The following ANKS1B variants were observed in gnomAD, a reference collection of about 807,000 sequenced individuals.
ANKS1B encodes the protein ankyrin repeat and sterile alpha motif domain containing 1B, also known as ankyrin repeat and sterile alpha motif domain-containing protein 1B.
ANKS1B carries 36 observed loss-of-function variants against 148.3 expected under a neutral mutation model. The observed-to-expected ratio is 0.24, with a 90% CI of 0.19 to 0.32. The LOEUF is 0.32. Ranked by LOEUF, ANKS1B falls within the 10% of genes least tolerant of loss-of-function variation. ANKS1B has a pLI of 1.00. For synonymous variants in ANKS1B, 542 were observed against 560.8 expected, an observed-to-expected ratio of 0.97 and a Z score of 0.47; for missense variants, 1,157 against 1,542.6, an observed-to-expected ratio of 0.75 and a Z score of 4.19.
rs1477458893 is a variant in ANKS1B, at chr12:99,246,540, C to G, written c.2081G>C (p.Ser694Thr). The G allele has an allele frequency of 1.9e-5, 31 of 1,613,846 alleles. No homozygotes were observed. Among genetic ancestry groups the G allele is most frequent in the African/African-American group, 5.3e-5 (4 of 74,930 alleles). Residue 694 changes from serine to threonine, a missense_variant, in exon 13 of 27, where the codon AGT becomes ACT. Coordinates refer to ENST00000683438, the MANE Select transcript of ANKS1B (RefSeq NM_001352186.2). ...HTIVGTRSTR[S>T]GSRNGDQWVM... is the part of the protein sequence containing the mutation. ...CCACTGGTCCCCATTCCGAGATCCA[C>G]TCCTGGTTGATCTTGTGCCAACAAT...
chr12:99,881,716 T>C (rs1055786792), intron 1 of ANKS1B, among the ~76,000 whole-genome samples: 2 of 152,126 alleles, frequency 1.3e-5, no homozygotes, highest in Non-Finnish European at 2.9e-5. Flanking sequence ...CAAAAGAGCA[T>C]CACAGAGCGT....
chr12:99,537,467 GATGATAGCTC>G (rs2097082300), intron 9 of ANKS1B, among the ~76,000 whole-genome samples: 1 of 152,096 alleles, frequency 6.6e-6, no homozygotes. Flanking sequence ...AACTGGGTAA[GATGATAGCTC>G]ATTGCAGTTT....
chr12:99,389,914 C>T (rs1422536015), intron 12 of ANKS1B, among the ~76,000 whole-genome samples: 2 of 152,178 alleles, frequency 1.3e-5, no homozygotes, highest in East Asian at 3.9e-4. Flanking sequence ...ACACACCTTC[C>T]CACCCCAGGA....
At chr12:99,781,077 A>AG (rs1371972141) in intron 5 of ANKS1B, among the ~76,000 whole-genome samples, 1 of 151,830 alleles carries the variant, frequency 6.6e-6, no homozygotes, top group African/African-American at 2.4e-5. Context: ...AAAAAAAAAA[A>AG]AAGCCAGTTT....
At chr12:99,696,972 T>C (rs1038521551) in intron 8 of ANKS1B, among the ~76,000 whole-genome samples, 1 of 152,190 alleles carries the variant, frequency 6.6e-6, no homozygotes, top group Non-Finnish European at 1.5e-5. Context: ...AATAATTGCA[T>C]GAAAAGATGC....
chr12:99,827,624 G>C (rs2083373998), intron 1 of ANKS1B, among the ~76,000 whole-genome samples: 1 of 152,116 alleles, frequency 6.6e-6, no homozygotes, highest in Non-Finnish European at 1.5e-5. Context: ...CTATCTATAT[G>C]TATCCCATAA....
At chr12:99,833,395 C>T (rs1322665862) in intron 1 of ANKS1B, among the ~76,000 whole-genome samples, 3 of 151,976 alleles carry the variant, frequency 2.0e-5, no homozygotes, top group African/African-American at 7.3e-5. Flanking sequence ...AGGGGAGAAA[C>T]AAAGCAATTT....
chr12:99,650,911 A>T (rs2098415292), intron 9 of ANKS1B, among the ~76,000 whole-genome samples: 1 of 138,868 alleles, frequency 7.2e-6, no homozygotes, highest in Admixed American at 7.3e-5. Context: ...TGAGAACCAG[A>T]ATGTATAGGT....
At chr12:99,781,302 G>A (rs1602011999) in intron 5 of ANKS1B, among the ~76,000 whole-genome samples, 1 of 152,034 alleles carries the variant, frequency 6.6e-6, no homozygotes, top group Non-Finnish European at 1.5e-5. Context: ...GTCTGCCAAT[G>A]TTTTTCATTT....
chr12:99,368,392 T>C (rs2092903621), intron 12 of ANKS1B, among the ~76,000 whole-genome samples: 1 of 151,956 alleles, frequency 6.6e-6, no homozygotes. Flanking sequence ...AGTTAAAATT[T>C]AGAAAAAAAT....
exon 10 of ANKS1B, chr12:98,735,460 G>A (rs2097768343): frequency 8.4e-6 from 4 of 478,430 alleles, no homozygotes; most frequent in African/African-American, 3.9e-5. Context: ...TTCTTTGCTT[G>A]TCATTTATCT....
chr12:98,858,776 C>G (rs1288992647), intron 17 of ANKS1B, among the ~76,000 whole-genome samples: 1 of 152,186 alleles, frequency 6.6e-6, no homozygotes, highest in African/African-American at 2.4e-5. Flanking sequence ...TAGAACACTT[C>G]TCTGGCACTA....
In ANKS1B at chr12:99,334,129, A is replaced by AATAG. The variant is rs777484418; in HGVS notation, c.1756+65498_1756+65501dup. ...TTCCAAACAGCCATTTGCTCCTCTA[A>AATAG]ATAGATAGATAGATAGATAGATAGA... On this transcript the variant is annotated intron_variant, in intron 12 of 26. Coordinates refer to ENST00000683438, the MANE Select transcript of ANKS1B (RefSeq NM_001352186.2). Among the ~76,000 whole-genome samples the AATAG allele has an allele frequency of 8.5e-3, 1,286 of 150,764 alleles. 34 individuals carry two copies. The highest frequency in any genetic ancestry group is 0.078 in the East Asian group (394 of 5,068).
At chr12:99,522,631 AAG>A (rs1349263820) in intron 9 of ANKS1B, among the ~76,000 whole-genome samples, 1 of 152,220 alleles carries the variant, frequency 6.6e-6, no homozygotes, top group Non-Finnish European at 1.5e-5. Flanking sequence ...CAGTAGAGAA[AAG>A]AGTTATAAAA....
At chr12:99,308,319 A>G (rs1016548228) in intron 12 of ANKS1B, among the ~76,000 whole-genome samples, 1 of 152,036 alleles carries the variant, frequency 6.6e-6, no homozygotes, top group Non-Finnish European at 1.5e-5. Flanking sequence ...GTTGATTATC[A>G]TCTTCCATGA....
chr12:98,913,979 G>A (rs2099790496), intron 17 of ANKS1B, among the ~76,000 whole-genome samples: 2 of 152,134 alleles, frequency 1.3e-5, no homozygotes, highest in Non-Finnish European at 2.9e-5. Context: ...CAGTTGCTCA[G>A]GCCAAAATCC....
At chr12:99,170,491 A>G (rs2077633517) in intron 14 of ANKS1B, among the ~76,000 whole-genome samples, 1 of 152,254 alleles carries the variant, frequency 6.6e-6, no homozygotes, top group African/African-American at 2.4e-5. Flanking sequence ...GAAATGAAAT[A>G]GCACGTGAAA....
chr12:99,771,768 C>CA (rs1373260174), intron 8 of ANKS1B, among the ~76,000 whole-genome samples: 1 of 151,672 alleles, frequency 6.6e-6, no homozygotes, highest in African/African-American at 2.4e-5. Context: ...GAGTGAAGCA[C>CA]AAAAACAAAA....
At chr12:98,757,937 CGTGTGT>C (rs34397440) in intron 25 of ANKS1B, among the ~76,000 whole-genome samples, 33 of 113,198 alleles carry the variant, frequency 2.9e-4, no homozygotes, top group African/African-American at 7.9e-4. Context: ...CATGTGTGCA[CGTGTGT>C]GTGTGTGTGT....
Sources: allele counts gnomAD v4.1 joint callset (sites outside exome capture counted in the v4.1 genomes callset), GRCh38; gene constraint gnomAD v4.1.1; transcripts MANE v1.5; gene names NCBI Gene and HGNC (gene_info 2026-07-23, HGNC 2026-07-21).